Variants in SMCHD1 observed in about 807,000 individuals in gnomAD.
SMCHD1 encodes structural maintenance of chromosomes flexible hinge domain-containing protein 1.
Under a neutral mutation model 254.7 loss-of-function variants are expected in SMCHD1, and 78 were observed. That is an observed-to-expected ratio of 0.31 (90% CI 0.26 to 0.37). The LOEUF (loss-of-function observed/expected upper bound fraction) is 0.37. SMCHD1 is among the 10% of genes least tolerant of loss of function. SMCHD1 has a pLI of 1.00. For synonymous variants in SMCHD1, 766 were observed against 794.9 expected, an observed-to-expected ratio of 0.96 and a Z score of 0.61; for missense variants, 1,840 against 2,408.1, an observed-to-expected ratio of 0.76 and a Z score of 4.94.
At chr18:2,681,975 G>T (rs1319936671) in intron 5 of SMCHD1, among the ~76,000 whole-genome samples, 1 of 152,124 alleles carries the variant, frequency 6.6e-6, no homozygotes, top group African/African-American at 2.4e-5. Flanking sequence ...TGTCTTTGTT[G>T]GTTTTCAGCA....
Position 2,665,086 on chromosome 18 carries a change from T to A in SMCHD1, c.187-1071T>A, listed in dbSNP as rs568198219. 5.9e-5 allele frequency among the ~76,000 whole-genome samples: 9 copies of A among 152,312 alleles called. No individual in the cohort carries two copies. The South Asian group carries it at 1.7e-3, about 28-fold the overall frequency. ...CATTACTACCCGAAACAGAAGCCTT[T>A]TCTCTTAACTATATATTGCTGTATT... On this transcript the variant is annotated intron_variant, in intron 1 of 47. Coordinates refer to ENST00000320876, the MANE Select transcript of SMCHD1 (RefSeq NM_015295.3).
chr18:2,744,530 G>T (rs1382173991), intron 29 of SMCHD1, among the ~76,000 whole-genome samples: 1 of 151,900 alleles, frequency 6.6e-6, no homozygotes, highest in Non-Finnish European at 1.5e-5. Context: ...ATTGTGGAAT[G>T]GCTAAATCAA....
chr18:2,750,250 G>T, intron 31 of SMCHD1, 100 bp from the exon 32 acceptor site: 1 of 1,412,824 alleles, frequency 7.1e-7, no homozygotes, highest in South Asian at 1.4e-5. Context: ...AATAGAAGTT[G>T]AGAGGTTTTT....
At chr18:2,702,544 A>G (rs2074426972) in intron 12 of SMCHD1, among the ~76,000 whole-genome samples, 1 of 152,084 alleles carries the variant, frequency 6.6e-6, no homozygotes. Context: ...GTTCCTAGTT[A>G]CTAATTTAAT....
intron 25 of SMCHD1, among the ~76,000 whole-genome samples, chr18:2,735,093 G>T (rs1232166578): frequency 6.6e-6 from 1 of 150,990 alleles, no homozygotes; most frequent in South Asian, 2.1e-4. Context: ...AATTCACCAC[G>T]AACAAGTAGG....
At chr18:2,669,561 C>G (rs1050142882) in intron 3 of SMCHD1, among the ~76,000 whole-genome samples, 7 of 152,114 alleles carry the variant, frequency 4.6e-5, no homozygotes, top group African/African-American at 1.7e-4. Context: ...GGGCTTAGTT[C>G]TTGCCCTTTA....
chr18:2,801,959 C>T (rs1400597753), intron 47 of SMCHD1, among the ~76,000 whole-genome samples: 2 of 151,846 alleles, frequency 1.3e-5, no homozygotes, highest in African/African-American at 4.8e-5. Context: ...AAATAATTTT[C>T]CACTTATAAA....
chr18:2,669,750 G>T (rs2073544164), intron 3 of SMCHD1, among the ~76,000 whole-genome samples: 1 of 152,186 alleles, frequency 6.6e-6, no homozygotes, highest in Admixed American at 6.5e-5. Context: ...TGCCCATGTG[G>T]CATCTCCTCT....
intron 17 of SMCHD1, among the ~76,000 whole-genome samples, chr18:2,714,589 GTGC>G (rs933714932): frequency 7.2e-5 from 11 of 151,812 alleles, no homozygotes; most frequent in Non-Finnish European, 1.5e-4. Flanking sequence ...GGATTCTGTT[GTGC>G]TGCTATTTGA....
intron 30 of SMCHD1, among the ~76,000 whole-genome samples, chr18:2,749,409 C>T (rs10460008): frequency 0.19 from 29,527 of 152,104 alleles, 3,111 homozygotes; most frequent in South Asian, 0.27. Flanking sequence ...TAGAGTTAGA[C>T]AATGATTACT....
chr18:2,688,289 T>C, intron 5 of SMCHD1, 105 bp from the exon 6 acceptor site: 1 of 752,238 alleles, frequency 1.3e-6, no homozygotes, highest in Non-Finnish European at 2.3e-6. Context: ...TTAGGGGTGT[T>C]TGCAGGCGTG....
In SMCHD1 at chr18:2,718,133, A is replaced by G. The variant is rs775615069; in HGVS notation, c.2261-25A>G. On this transcript the variant is annotated intron_variant, in intron 17 of 47. Coordinates refer to ENST00000320876, the MANE Select transcript of SMCHD1 (RefSeq NM_015295.3). This position sits in a 1 kb window ranked among gnomAD's most constrained non-coding sequence, Gnocchi z 4.6. ...TTTACGTTGAATTTCTCAAGACACT[A>G]TTGTTTCTTTTTTCTTTTATTAAGC... 16 of 1,546,670 alleles carry G rather than the reference A, an allele frequency of 1.0e-5. No homozygotes were observed. The South Asian group carries it at 1.5e-4, about 14-fold the overall frequency.
Position 2,750,435 on chromosome 18 carries a change from C to T in SMCHD1, c.4093C>T (p.Pro1365Ser). The T allele has an allele frequency of 6.2e-7, 1 of 1,611,748 alleles. No homozygotes were observed. The highest frequency in any genetic ancestry group is 1.3e-5 in the African/African-American group (1 of 74,926). ...PIIKLMILPD[P>S]EKPVRLNVKY... ...AATTAAGTTAATGATTCTTCCAGACCCAGAAAAACCCGTTCGTCTCAATGT... is the reference window on the plus strand; with the variant it reads ...AATTAAGTTAATGATTCTTCCAGACTCAGAAAAACCCGTTCGTCTCAATGT... Residue 1365 changes from proline to serine, a missense_variant, in exon 32 of 48, where the codon CCA becomes TCA. Transcript: ENST00000320876.
Position 2,656,109 on chromosome 18 carries a change from G to T in SMCHD1, c.34G>T (p.Ala12Ser), listed in dbSNP as rs763619769. The T allele has an allele frequency of 2.8e-6, 4 of 1,436,142 alleles. No homozygotes were observed. Among genetic ancestry groups the T allele is most frequent in the South Asian group, 1.5e-5 (1 of 66,248 alleles). 89.0% of individuals were successfully genotyped at this position (1,436,142 alleles called of 1,614,324 possible). A position where few individuals can be genotyped will look rare whatever the true frequency, so the allele number is the denominator to read the frequency against. Residue 12 changes from alanine to serine, a missense_variant, in exon 1 of 48, where the codon GCC becomes TCC. Ala to Ser is a moderately conservative substitution (Grantham distance 99). Transcript: ENST00000320876. The part of the protein sequence containing the change: ...AAADGGGPGG[A>S]SVGTEEDGGG... ...GGCGGACGGCGGCGGGCCTGGTGGG[G>T]CCTCTGTGGGGACTGAGGAGGATGG...
At chr18:2,696,093 C>G (rs2074279673) in intron 8 of SMCHD1, among the ~76,000 whole-genome samples, 1 of 152,084 alleles carries the variant, frequency 6.6e-6, no homozygotes, top group South Asian at 2.1e-4. Flanking sequence ...AACAATGTTA[C>G]CAAAATATAA....
intron 5 of SMCHD1, among the ~76,000 whole-genome samples, chr18:2,675,322 T>A (rs1163730252): frequency 6.8e-6 from 1 of 147,802 alleles, no homozygotes; most frequent in Non-Finnish European, 1.5e-5. Context: ...TGAAGTGCAG[T>A]TGTGCAATCT....
intron 36 of SMCHD1, 72 bp downstream of exon 36, chr18:2,762,308 T>G (rs2075800131): frequency 2.1e-6 from 3 of 1,435,608 alleles, no homozygotes; most frequent in Non-Finnish European, 1.9e-6. Flanking sequence ...GGTACAAAAT[T>G]ATTTGTATGG....
chr18:2,773,371 A>G (rs1231139012), intron 41 of SMCHD1, among the ~76,000 whole-genome samples: 3 of 152,216 alleles, frequency 2.0e-5, no homozygotes, highest in African/African-American at 7.2e-5. Flanking sequence ...TTCTTGGACA[A>G]TATGTGAGAT....
chr18:2,712,895 C>T (rs1369422230), intron 17 of SMCHD1, among the ~76,000 whole-genome samples: 1 of 152,168 alleles, frequency 6.6e-6, no homozygotes, highest in Non-Finnish European at 1.5e-5. Flanking sequence ...CATGATCTGG[C>T]CCTTCCTCTC....
Sources: allele counts gnomAD v4.1 joint callset (sites outside exome capture counted in the v4.1 genomes callset), GRCh38; gene constraint gnomAD v4.1.1; non-coding constraint Gnocchi (gnomAD v3.1); transcripts MANE v1.5; gene names NCBI Gene and HGNC (gene_info 2026-07-23, HGNC 2026-07-21).